IGSF9B: variants seen among roughly 807,000 people sequenced by gnomAD.
The protein encoded by IGSF9B is protein turtle homolog B.
A neutral mutation model predicts 143.7 loss-of-function variants in IGSF9B; 48 were observed. That is an observed-to-expected ratio of 0.33 (90% CI 0.26 to 0.42). IGSF9B has a LOEUF of 0.42. Among genes scored for constraint, IGSF9B ranks in the 20% least tolerant of loss-of-function variants. The pLI is 1.00. For missense variants in IGSF9B, 1,706 were observed against 1,980.0 expected (o/e 0.86, Z 2.63); for synonymous variants, 903 against 833.1 (o/e 1.08, Z -1.44).
In IGSF9B at chr11:133,956,871, G is replaced by A. The variant is rs981993184; in HGVS notation, c.-117C>T. On this transcript the variant is annotated 5_prime_UTR_variant, in exon 1 of 20. Coordinates refer to ENST00000533871, the MANE Select transcript of IGSF9B (RefSeq NM_001277285.4). ...CCTCGCGCCGCCTACGCCCCGCGCC[G>A]GTGCTCCTGCAGCCCGGGTGGCCAG... 5.8e-6 allele frequency: 3 copies of A among 521,096 alleles called. No individual in the cohort carries two copies. The highest frequency in any genetic ancestry group is 2.0e-5 in the African/African-American group (1 of 49,772). The allele number at this position is 521,096 out of a possible 1,614,324, so 32.3% of individuals were successfully genotyped here.
Position 133,899,726 on chromosome 11 carries a change from T to G in IGSF9B, c.*9343A>C, listed in dbSNP as rs1452066531. 1 of 152,344 alleles carries G rather than the reference T, an allele frequency of 6.6e-6. No individual in the cohort carries two copies. The highest frequency in any genetic ancestry group is 2.4e-5 in the African/African-American group (1 of 41,438). The allele number at this position is 152,344 out of a possible 1,614,324, so 9.4% of individuals were successfully genotyped here. A position where few individuals can be genotyped will look rare whatever the true frequency, so the allele number is the denominator to read the frequency against. The stretch of plus-strand genomic sequence containing the variant: ...GAGTCCACAGAAAGAGAGGGGATGG[T>G]GGGTCTAGAAGCCAACAGAACAGTA... On this transcript the variant is annotated 3_prime_UTR_variant, in exon 20 of 20. Transcript: ENST00000533871.
intron 3 of IGSF9B, among the ~76,000 whole-genome samples, chr11:133,943,160 C>T (rs1011708022): frequency 2.6e-5 from 4 of 152,126 alleles, no homozygotes; most frequent in African/African-American, 9.7e-5. Flanking sequence ...GTCTCAAGGA[C>T]CGTAAGCTGT....
chr11:133,944,394 C>T (rs551031273), intron 2 of IGSF9B, 28 bp from the exon 3 acceptor site: 9 of 1,610,788 alleles, frequency 5.6e-6, no homozygotes, highest in Non-Finnish European at 6.8e-6. Flanking sequence ...ACAAAAGCCC[C>T]ACAGGCCATC....
rs1240202117 is a variant in IGSF9B, at chr11:133,920,177, T to G, written c.3548A>C (p.Gln1183Pro). 6.6e-6 allele frequency: 10 copies of G among 1,508,484 alleles called. No homozygotes were observed. Among genetic ancestry groups the G allele is most frequent in the Non-Finnish European group, 8.9e-7 (1 of 1,128,502 alleles). 93.4% of individuals were successfully genotyped at this position (1,508,484 alleles called of 1,614,324 possible). Residue 1183 changes from glutamine to proline, a missense_variant, in exon 18 of 20, where the codon CAG becomes CCG. Transcript: ENST00000533871. ...PQPRPRPSPR[Q>P]ARRAEPSLHQ... ...TAAACTGGGCTCGGCGCGCCTGGCC[T>G]GCCGAGGGCTAGGCCGGGGCCGGGG...
Position 133,956,827 on chromosome 11 carries a change from AGCGCCCGCCTCGCGCCCGCCTCGC to A in IGSF9B, c.-97_-74del. ...CGCGCCCGCACGCGCCTCGCGCCCG[AGCGCCCGCCTCGCGCCCGCCTCGC>A]GCCGCCTACGCCCCGCGCCGGTGCT... is the stretch of plus-strand genomic sequence containing the variant. On this transcript the variant is annotated 5_prime_UTR_variant, in exon 1 of 20. Transcript: ENST00000533871. The A allele has an allele frequency of 1.0e-6, 1 of 972,050 alleles. No individual in the cohort carries two copies. Among genetic ancestry groups the A allele is most frequent in the Non-Finnish European group, 1.4e-6 (1 of 722,312 alleles). The allele number at this position is 972,050 out of a possible 1,614,324, so 60.2% of individuals were successfully genotyped here. A position where few individuals can be genotyped will look rare whatever the true frequency, so the allele number is the denominator to read the frequency against.
chr11:133,909,549 G>T lies in IGSF9B; in HGVS notation c.4106-272C>A, dbSNP rs1379534710. On this transcript the variant is annotated intron_variant, in intron 19 of 19. Coordinates refer to ENST00000533871, the MANE Select transcript of IGSF9B (RefSeq NM_001277285.4). This position sits in a 1 kb window ranked among gnomAD's most constrained non-coding sequence, Gnocchi z 4.2. ...TTTCCTTCTCATTCATTTCTTTCTC[G>T]ATCAGTCTACAAATATTTCTTTTAG... Among the ~76,000 whole-genome samples the T allele has an allele frequency of 6.6e-6, 1 of 152,134 alleles. No individual in the cohort carries two copies. The highest frequency in any genetic ancestry group is 2.4e-5 in the African/African-American group (1 of 41,420).
At chr11:133,923,861 C>G (rs141305216) in intron 15 of IGSF9B, among the ~76,000 whole-genome samples, 1 of 152,370 alleles carries the variant, frequency 6.6e-6, no homozygotes, top group East Asian at 1.9e-4. Flanking sequence ...TTCTTCAGCT[C>G]CAGCCTTGGA....
intron 1 of IGSF9B, among the ~76,000 whole-genome samples, chr11:133,956,093 C>T (rs1378942742): frequency 2.0e-5 from 3 of 152,130 alleles, no homozygotes; most frequent in Non-Finnish European, 4.4e-5. Flanking sequence ...CAATCCTCCT[C>T]TCACCGGGCG....
At chr11:133,937,573 G>C in intron 4 of IGSF9B, 80 bp from the exon 5 acceptor site, 1 of 1,208,268 alleles carries the variant, frequency 8.3e-7, no homozygotes, top group South Asian at 1.3e-5. Flanking sequence ...GATGCAGTCG[G>C]AGACACTAAG....
In IGSF9B at chr11:133,936,105, C is replaced by G. The variant is rs762566041; in HGVS notation, c.769G>C (p.Gly257Arg). 1.9e-6 allele frequency: 3 copies of G among 1,613,536 alleles called. No homozygotes were observed. The highest frequency in any genetic ancestry group is 2.2e-5 in the South Asian group (2 of 90,966). ...LLTCRAEAYP[G>R]NLTYTWYWQD... ...CAGTACCAGGTGTAGGTGAGGTTGCCCGGATACGCCTCTGCCCGGCAGGTG... is the reference window on the plus strand; with the variant it reads ...CAGTACCAGGTGTAGGTGAGGTTGCGCGGATACGCCTCTGCCCGGCAGGTG... Residue 257 changes from glycine (G) to arginine (R), a missense_variant, in exon 6 of 20, where the codon GGC (glycine) becomes CGC (arginine). Gly to Arg is a moderately radical substitution (Grantham distance 125). This residue lies in a region of IGSF9B where 238 missense variants were observed against 452.6 expected (regional missense o/e 0.53). Coordinates refer to ENST00000533871, the MANE Select transcript of IGSF9B (RefSeq NM_001277285.4).
chr11:133,953,788 C>A lies in IGSF9B; in HGVS notation c.64+2903G>T, dbSNP rs74963498. On this transcript the variant is annotated intron_variant, in intron 1 of 19. Transcript: ENST00000533871. The surrounding 1 kb of genome is among the most constrained non-coding windows in gnomAD (Gnocchi z 4.2). ...TCCTCCCACAGAGTAGGAACTCCCCCGGGCTGGCTCAGCAGCCGTCTGAGA... is the reference window on the plus strand; with the variant it reads ...TCCTCCCACAGAGTAGGAACTCCCCAGGGCTGGCTCAGCAGCCGTCTGAGA... Among the ~76,000 whole-genome samples the A allele has an allele frequency of 1.3e-5, 2 of 152,172 alleles. No homozygotes were observed. The highest frequency in any genetic ancestry group is 2.4e-5 in the African/African-American group (1 of 41,446).
Position 133,909,376 on chromosome 11 carries a change from T to C in IGSF9B, c.4106-99A>G, listed in dbSNP as rs1407883172. The C allele has an allele frequency of 5.1e-6, 5 of 985,246 alleles. No homozygotes were observed. In the Admixed American group the frequency reaches 1.0e-4, roughly 20 times the overall value. 61.0% of individuals were successfully genotyped at this position (985,246 alleles called of 1,614,324 possible). A position where few individuals can be genotyped will look rare whatever the true frequency, so the allele number is the denominator to read the frequency against. ...TCCACCTGCATTTGTTCCGGGTTTCTAATGTTGAAACAAAGGAATCACCTG... is the reference window on the plus strand; with the variant it reads ...TCCACCTGCATTTGTTCCGGGTTTCCAATGTTGAAACAAAGGAATCACCTG... On this transcript the variant is annotated intron_variant, in intron 19 of 19. Transcript: ENST00000533871. The surrounding 1 kb of genome is among the most constrained non-coding windows in gnomAD (Gnocchi z 4.2).
In IGSF9B at chr11:133,900,797, G is replaced by A. The variant is rs1301952079; in HGVS notation, c.*8272C>T. ...AAGAATCTGCAGCAACACTAAACAG[G>A]CCATGTGTTCTCCAAGACCAAGCCC... is the stretch of plus-strand genomic sequence containing the variant. On this transcript the variant is annotated 3_prime_UTR_variant, in exon 20 of 20. Coordinates refer to ENST00000533871, the MANE Select transcript of IGSF9B (RefSeq NM_001277285.4). The A allele has an allele frequency of 2.0e-5, 3 of 152,210 alleles. No homozygotes were observed. Among genetic ancestry groups the A allele is most frequent in the Admixed American group, 6.5e-5 (1 of 15,278 alleles). The allele number at this position is 152,210 out of a possible 1,614,324, so 9.4% of individuals were successfully genotyped here. A position where few individuals can be genotyped will look rare whatever the true frequency, so the allele number is the denominator to read the frequency against.
intron 19 of IGSF9B, 66 bp downstream of exon 19, chr11:133,911,820 A>G (rs1215097398): frequency 1.4e-6 from 2 of 1,432,386 alleles, no homozygotes; most frequent in Admixed American, 3.0e-5. Context: ...ACGGCAGCCC[A>G]ATAACCCTCC....
Position 133,915,578 on chromosome 11 carries a change from C to T in IGSF9B, c.3984-3571G>A, listed in dbSNP as rs367567646. 3.2e-3 allele frequency among the ~76,000 whole-genome samples: 481 copies of T among 152,230 alleles called. 2 individuals are homozygous for T. Among genetic ancestry groups the T allele is most frequent in the African/African-American group, 0.01 (436 of 41,546 alleles). On this transcript the variant is annotated intron_variant, in intron 18 of 19. Transcript: ENST00000533871. ...CTCTTTTCAAAAAATCCATACAAAA[C>T]CCAAATCATGACCAGGTAGCCCAGG...
rs1404066643 is a variant in IGSF9B at position 133,921,133 on chromosome 11, C to T, written c.2592G>A (p.Glu864=). Residue 864 remains glutamate (E), a synonymous_variant, in exon 18 of 20, where the codon GAG becomes GAA. Transcript: ENST00000533871. ...PDGRFVMDPA[E]MEPSLKSRRI... is the part of the protein sequence containing the mutation. The stretch of plus-strand genomic sequence containing the variant: ...GCCTGCTCTTCAGCGAGGGCTCCAT[C>T]TCGGCAGGGTCCATCACGAAGCGGC... 1 of 1,613,684 alleles carries T rather than the reference C, an allele frequency of 6.2e-7. No individual in the cohort carries two copies. Among genetic ancestry groups the T allele is most frequent in the Admixed American group, 1.7e-5 (1 of 60,032 alleles).
intron 16 of IGSF9B, 51 bp from the exon 17 acceptor site, chr11:133,922,273 G>A (rs140976709): frequency 0.021 from 28,148 of 1,366,862 alleles, 340 homozygotes; most frequent in Middle Eastern, 0.035. Context: ...CAGCAACCAC[G>A]CAGCACGCGC....
In IGSF9B at chr11:133,928,595, A is replaced by T. The variant is rs1939670649; in HGVS notation, c.1631+1076T>A. 6.6e-6 allele frequency among the ~76,000 whole-genome samples: 1 copy of T among 152,120 alleles called. No individual in the cohort carries two copies. The highest frequency in any genetic ancestry group is 1.5e-5 in the Non-Finnish European group (1 of 68,024). On this transcript the variant is annotated intron_variant, in intron 12 of 19. Coordinates refer to ENST00000533871, the MANE Select transcript of IGSF9B (RefSeq NM_001277285.4). The surrounding 1 kb of genome is among the most constrained non-coding windows in gnomAD (Gnocchi z 4.7). ...AGACACCTGCAGGTGAGACAGGTCTAAAAGAAGGCACTGAGGGGCTCGCCC... is the reference window on the plus strand; with the variant it reads ...AGACACCTGCAGGTGAGACAGGTCTTAAAGAAGGCACTGAGGGGCTCGCCC...
chr11:133,925,771 C>T lies in IGSF9B; in HGVS notation c.2002G>A (p.Glu668Lys), dbSNP rs1029799375. 1.9e-6 allele frequency: 3 copies of T among 1,613,586 alleles called. No homozygotes were observed. The highest frequency in any genetic ancestry group is 1.3e-5 in the African/African-American group (1 of 74,926). ...ELLDDGIPGT[E>K]GEFFAKDLSQ... ...AGATCCTTGGCAAAGAACTCTCCTTCGGTGCCGGGGATGCCATCGTCGAGC... is the reference window on the plus strand; with the variant it reads ...AGATCCTTGGCAAAGAACTCTCCTTTGGTGCCGGGGATGCCATCGTCGAGC... Residue 668 changes from glutamate to lysine, a missense_variant, in exon 14 of 20, where the codon GAA (glutamate) becomes AAA (lysine). Glu to Lys is a moderately conservative substitution (Grantham distance 56, BLOSUM62 1). Coordinates refer to ENST00000533871, the MANE Select transcript of IGSF9B (RefSeq NM_001277285.4).
Sources: allele counts gnomAD v4.1 joint callset (sites outside exome capture counted in the v4.1 genomes callset), GRCh38; gene constraint gnomAD v4.1.1; regional missense constraint gnomAD v4.1.1; non-coding constraint Gnocchi (gnomAD v3.1); transcripts MANE v1.5; gene names NCBI Gene and HGNC (gene_info 2026-07-23, HGNC 2026-07-21).